The following LPCAT3 variants were observed in gnomAD, a reference collection of about 807,000 sequenced individuals.
The protein encoded by LPCAT3 is lysophospholipid acyltransferase 5.
In LPCAT3, 21 loss-of-function variants were observed where a neutral mutation model predicts 63.4. The ratio of observed to expected loss-of-function variants is 0.33; its 90% CI spans 0.23 to 0.48. The LOEUF (loss-of-function observed/expected upper bound fraction) is 0.48. Among genes scored for constraint, LPCAT3 ranks in the 20% least tolerant of loss-of-function variants. LPCAT3 has a pLI of 0.99. For missense variants in LPCAT3, 451 were observed against 590.6 expected, an observed-to-expected ratio of 0.76 and a Z score of 2.45; for synonymous variants, 242 against 227.5, an observed-to-expected ratio of 1.06 and a Z score of -0.58.
At chr12:6,993,324 C>G (rs1261180751) in intron 1 of LPCAT3, among the ~76,000 whole-genome samples, 1 of 151,974 alleles carries the variant, frequency 6.6e-6, no homozygotes, top group Non-Finnish European at 1.5e-5. Context: ...GTCCCAGCTA[C>G]TCAGGAGGCT....
At chr12:7,005,682 C>T (rs938712253) in intron 1 of LPCAT3, among the ~76,000 whole-genome samples, 3 of 152,170 alleles carry the variant, frequency 2.0e-5, no homozygotes, top group Non-Finnish European at 4.4e-5. Flanking sequence ...TCCCTAATGA[C>T]TAAAGATATT....
chr12:6,981,040 C>A lies in LPCAT3; in HGVS notation c.641G>T (p.Gly214Val). ...CTTTCCTGGTATGTCAATCAGCTCTCCCTGCACCAGCTTCATGTAGTGATT... is the reference window on the plus strand; with the variant it reads ...CTTTCCTGGTATGTCAATCAGCTCTACCTGCACCAGCTTCATGTAGTGATT... ...SMNHYMKLVQGELIDIPGKIP... is the reference protein window; with the variant it reads ...SMNHYMKLVQVELIDIPGKIP... Residue 214 changes from glycine (G) to valine (V), a missense_variant, in exon 6 of 13, where the codon GGA becomes GTA. Around this residue, in one of 3 missense-constraint regions of LPCAT3, gnomAD observed 304 missense variants for 390.8 expected, o/e 0.78. Transcript: ENST00000261407. The A allele has an allele frequency of 1.9e-6, 3 of 1,610,080 alleles. No individual in the cohort carries two copies. Among genetic ancestry groups the A allele is most frequent in the Non-Finnish European group, 2.5e-6 (3 of 1,178,542 alleles).
intron 1 of LPCAT3, among the ~76,000 whole-genome samples, chr12:7,012,578 C>G (rs1946770487): frequency 6.6e-6 from 1 of 152,152 alleles, no homozygotes; most frequent in African/African-American, 2.4e-5. Context: ...ATTAACATAC[C>G]CAATCAACGT....
At chr12:6,989,953 A>G (rs1946571902) in intron 1 of LPCAT3, among the ~76,000 whole-genome samples, 1 of 151,844 alleles carries the variant, frequency 6.6e-6, no homozygotes, top group Non-Finnish European at 1.5e-5. Flanking sequence ...CGGGAGAATC[A>G]CTGGAACCCA....
At chr12:6,986,828 C>T (rs1946531407) in intron 1 of LPCAT3, among the ~76,000 whole-genome samples, 1 of 149,980 alleles carries the variant, frequency 6.7e-6, no homozygotes, top group Non-Finnish European at 1.5e-5. Context: ...AAAGTTACAC[C>T]TGTCGGCCGG....
chr12:7,005,486 A>G (rs1946719901), intron 1 of LPCAT3, among the ~76,000 whole-genome samples: 1 of 152,224 alleles, frequency 6.6e-6, no homozygotes, highest in South Asian at 2.1e-4. Context: ...TCATATGGTA[A>G]CTGTGAACTT....
In LPCAT3 at chr12:7,018,135, T is replaced by C. The variant is rs1413350900; in HGVS notation, c.151+139A>G. The C allele has an allele frequency of 2.2e-6, 2 of 891,810 alleles. No individual in the cohort carries two copies. The highest frequency in any genetic ancestry group is 3.5e-6 in the Non-Finnish European group (2 of 575,496). The allele number at this position is 891,810 out of a possible 1,614,324, so 55.2% of individuals were successfully genotyped here. Reference sequence around the variant, plus strand: ...ACTTCTGTCTTCCCTCAGTAGCTGTTGGTGTGCTTCAGGATTCACACCCGC... The same window carrying C: ...ACTTCTGTCTTCCCTCAGTAGCTGTCGGTGTGCTTCAGGATTCACACCCGC... On this transcript the variant is annotated intron_variant, in intron 1 of 12. Transcript: ENST00000261407. This position sits in a 1 kb window ranked among gnomAD's most constrained non-coding sequence, Gnocchi z 4.9.
chr12:6,986,795 CAAAAAAAAAAA>C (rs1157395768), intron 1 of LPCAT3, among the ~76,000 whole-genome samples: 13 of 33,924 alleles, frequency 3.8e-4, no homozygotes, highest in African/African-American at 1.3e-3. Context: ...GACTCTGTCT[CAAAAAAAAAAA>C]AAAAAAAAAA....
At chr12:6,986,795 C>CAA (rs1157395768) in intron 1 of LPCAT3, among the ~76,000 whole-genome samples, 1,189 of 33,334 alleles carry the variant, frequency 0.036, 57 homozygotes, top group African/African-American at 0.11. Context: ...GACTCTGTCT[C>CAA]AAAAAAAAAA....
chr12:6,981,659 G>A, intron 4 of LPCAT3, 27 bp from the exon 5 acceptor site: 1 of 1,613,118 alleles, frequency 6.2e-7, no homozygotes, highest in Admixed American at 1.7e-5. Flanking sequence ...CGGATGGGTA[G>A]GGTGGTGGGA....
intron 1 of LPCAT3, among the ~76,000 whole-genome samples, chr12:6,984,007 G>A (rs782796572): frequency 1.3e-5 from 2 of 152,214 alleles, no homozygotes; most frequent in East Asian, 1.9e-4. Flanking sequence ...AGATTTGAGC[G>A]TACCCATCTA....
chr12:7,016,684 G>A (rs1946799582), intron 1 of LPCAT3, among the ~76,000 whole-genome samples: 1 of 152,222 alleles, frequency 6.6e-6, no homozygotes, highest in Admixed American at 6.5e-5. Flanking sequence ...GCTGCGTCCT[G>A]TCAAATGTAA....
rs1366198822 is a variant in LPCAT3, at chr12:6,976,377, T to C, written c.*527A>G. ...GGCTAGATGGGGAGAGATAAGGCAA[T>C]GTGCATGGGGGAATCAGAGGGGAGA... On this transcript the variant is annotated 3_prime_UTR_variant, in exon 13 of 13. Coordinates refer to ENST00000261407, the MANE Select transcript of LPCAT3 (RefSeq NM_005768.6). 3 of 153,442 alleles carry C rather than the reference T, an allele frequency of 2.0e-5. No individual in the cohort carries two copies. The highest frequency in any genetic ancestry group is 7.3e-5 in the African/African-American group (3 of 41,362). 9.5% of individuals were successfully genotyped at this position (153,442 alleles called of 1,614,324 possible). A position where few individuals can be genotyped will look rare whatever the true frequency, so the allele number is the denominator to read the frequency against.
At chr12:6,986,770 C>G (rs1246727549) in intron 1 of LPCAT3, among the ~76,000 whole-genome samples, 2 of 131,382 alleles carry the variant, frequency 1.5e-5, no homozygotes, top group African/African-American at 6.0e-5. Flanking sequence ...GCACTCCAGC[C>G]TGGTGACAGA....
chr12:7,018,378 G>A lies in LPCAT3; in HGVS notation c.47C>T (p.Ala16Val). 1.2e-6 allele frequency: 2 copies of A among 1,612,274 alleles called. No homozygotes were observed. The highest frequency in any genetic ancestry group is 1.7e-6 in the Non-Finnish European group (2 of 1,179,186). The change falls in exon 1 of 13, where the codon GCG becomes GTG. Residue 16 changes from alanine to valine, a missense_variant. Coordinates refer to ENST00000261407, the MANE Select transcript of LPCAT3 (RefSeq NM_005768.6). This position sits in a 1 kb window ranked among gnomAD's most constrained non-coding sequence, Gnocchi z 4.9. The stretch of plus-strand genomic sequence containing the variant: ...CTGGAAACCCGACTGCAGAACCCCC[G>A]CCAGCGCCACCACAGTCCCCTCGTC... ...EGDEGTVVAL[A>V]GVLQSGFQEL...
rs782671278 is a variant in LPCAT3 at position 7,018,110 on chromosome 12, A to G, written c.151+164T>C. On this transcript the variant is annotated intron_variant, in intron 1 of 12. Transcript: ENST00000261407. This position sits in a 1 kb window ranked among gnomAD's most constrained non-coding sequence, Gnocchi z 4.9. ...CACAGCGCCCCAGACTCGAGACAGG[A>G]CTTCTGTCTTCCCTCAGTAGCTGTT... is the stretch of plus-strand genomic sequence containing the variant. Among the ~76,000 whole-genome samples, 1 of 152,284 alleles carries G rather than the reference A, an allele frequency of 6.6e-6. No individual in the cohort carries two copies. Among genetic ancestry groups the G allele is most frequent in the Admixed American group, 6.5e-5 (1 of 15,302 alleles).
intron 3 of LPCAT3, 78 bp downstream of exon 3, chr12:6,982,598 T>A: frequency 9.2e-7 from 1 of 1,086,312 alleles, no homozygotes; most frequent in Non-Finnish European, 1.4e-6. Context: ...CTAATTTCTA[T>A]ACCACAGTCC....
intron 1 of LPCAT3, among the ~76,000 whole-genome samples, chr12:6,998,099 T>C (rs1374926323): frequency 1.3e-5 from 2 of 152,348 alleles, no homozygotes; most frequent in Non-Finnish European, 2.9e-5. Context: ...CACTGCAGCC[T>C]TGATCTCCTG....
In LPCAT3 at chr12:6,979,485, T is replaced by C. The variant is rs1351928271; in HGVS notation, c.772A>G (p.Thr258Ala). The C allele has an allele frequency of 6.2e-7, 1 of 1,612,184 alleles. No homozygotes were observed. Among genetic ancestry groups the C allele is most frequent in the Non-Finnish European group, 8.5e-7 (1 of 1,178,328 alleles). ...SPHITEDYLL[T>A]EDYDNHPFWF... ...TAGACACTCACGTCATAGTCTTCAG[T>C]GAGGAGATAGTCTTCTGTGATGTGG... Residue 258 changes from threonine (T) to alanine (A), a missense_variant, in exon 7 of 13, where the codon ACT becomes GCT. By Grantham distance (58) the Thr-to-Ala change is moderately conservative. Coordinates refer to ENST00000261407, the MANE Select transcript of LPCAT3 (RefSeq NM_005768.6).
Sources: gnomAD v4.1 joint callset for allele counts (sites outside exome capture counted in the v4.1 genomes callset) on GRCh38, gnomAD v4.1.1 for gene constraint, gnomAD v4.1.1 regional missense constraint, Gnocchi (gnomAD v3.1) non-coding constraint, MANE v1.5 for transcripts, NCBI Gene and HGNC (gene_info 2026-07-23, HGNC 2026-07-21) for gene names.